OR7E24: variants seen among roughly 807,000 people sequenced by gnomAD.
OR7E24 encodes olfactory receptor family 7 subfamily E member 24.
For synonymous variants in OR7E24, 130 were observed against 157.5 expected (o/e 0.83, Z 1.31); for missense variants, 385 against 410.3 (o/e 0.94, Z 0.53).
chr19:9,251,531 T>C lies in OR7E24; in HGVS notation c.488T>C (p.Ile163Thr). 6.2e-7 allele frequency: 1 copy of C among 1,614,164 alleles called. No homozygotes were observed. The highest frequency in any genetic ancestry group is 1.3e-5 in the African/African-American group (1 of 75,048). ...IMNPRLCGFL[I>T]LLSFFISLLD... is the part of the protein sequence containing the mutation. ...AACCCACGCCTCTGTGGCTTCTTAA[T>C]CTTGTTGTCTTTTTTTATTAGTCTT... Residue 163 changes from isoleucine (I) to threonine (T), a missense_variant, in exon 1 of 1, where the codon ATC (isoleucine) becomes ACC (threonine). By Grantham distance (89) the Ile-to-Thr change is moderately conservative (BLOSUM62 -1). Coordinates refer to ENST00000456448, the MANE Select transcript of OR7E24 (RefSeq NM_001079935.2).
At chr19:9,215,361 A>AAAAC in the OR7E24 span, among the ~76,000 whole-genome samples, 1 of 147,542 alleles carries the variant, frequency 6.8e-6, no homozygotes. Flanking sequence ...AAAAAAAAAA[A>AAAAC]AAAACCTCTT....
the OR7E24 span, among the ~76,000 whole-genome samples, chr19:9,229,544 AAG>A: frequency 1.6e-4 from 24 of 147,176 alleles, no homozygotes; most frequent in Admixed American, 2.7e-4. Context: ...CAAAAAAAAA[AAG>A]AAAGAAAGAA....
At chr19:9,214,762 C>T in the OR7E24 span, 120 of 1,613,762 alleles carry the variant, frequency 7.4e-5, 2 homozygotes, top group East Asian at 8.7e-4. Context: ...CCAAAGAGGA[C>T]GGGCTGCAGT....
the OR7E24 span, among the ~76,000 whole-genome samples, chr19:9,222,957 A>T: frequency 6.6e-6 from 1 of 152,118 alleles, no homozygotes; most frequent in Non-Finnish European, 1.5e-5. Flanking sequence ...GGTTTTTACT[A>T]TGTTGAGGTA....
In OR7E24 at chr19:9,252,070, C is replaced by A. The variant is rs1455275566; in HGVS notation, c.*7C>A. ...TTTTTGTTATATGGGATAGAAATGG[C>A]AGCAAAATTTAACACCTAGGCCTGC... On this transcript the variant is annotated 3_prime_UTR_variant, in exon 1 of 1. Coordinates refer to ENST00000456448, the MANE Select transcript of OR7E24 (RefSeq NM_001079935.2). The A allele has an allele frequency of 6.8e-6, 11 of 1,607,640 alleles. No homozygotes were observed.
At chr19:9,215,287 G>T in the OR7E24 span, among the ~76,000 whole-genome samples, 22,473 of 142,700 alleles carry the variant, frequency 0.16, 1,954 homozygotes, top group East Asian at 0.25. Context: ...AGGTTGCAGT[G>T]AGCCAAGATC....
the OR7E24 span, among the ~76,000 whole-genome samples, chr19:9,239,735 G>T: frequency 7.7e-6 from 1 of 129,258 alleles, no homozygotes; most frequent in South Asian, 2.5e-4. Context: ...TTGAGTTGGA[G>T]TCTCGCTCTG....
chr19:9,214,884 G>T, the OR7E24 span: 3 of 1,161,174 alleles, frequency 2.6e-6, no homozygotes, highest in Non-Finnish European at 3.7e-6. Flanking sequence ...AACGTTTAAT[G>T]AACAGCAAGT....
the OR7E24 span, among the ~76,000 whole-genome samples, chr19:9,223,734 CTT>C: frequency 0.029 from 3,873 of 135,532 alleles, 135 homozygotes; most frequent in African/African-American, 0.081. Context: ...TTTTTCTCTT[CTT>C]TTTTTTTTTT....
At chr19:9,244,856 A>C (rs182256297), upstream of OR7E24, among the ~76,000 whole-genome samples, 59 of 152,276 alleles carry the variant, frequency 3.9e-4, no homozygotes, top group Admixed American at 2.3e-3. Context: ...GAGGCTAACA[A>C]CCAAACAATA....
At chr19:9,244,302 A>C (rs970737367), upstream of OR7E24, among the ~76,000 whole-genome samples, 5 of 152,244 alleles carry the variant, frequency 3.3e-5, no homozygotes, top group Admixed American at 2.0e-4. Flanking sequence ...AATAAACTAC[A>C]AAGATCCAGG....
the OR7E24 span, among the ~76,000 whole-genome samples, chr19:9,242,327 G>A: frequency 6.6e-6 from 1 of 152,094 alleles, no homozygotes. Flanking sequence ...TCAGCCCACG[G>A]CAACCACCTC....
the OR7E24 span, chr19:9,212,418 G>A: frequency 6.6e-6 from 1 of 152,098 alleles, no homozygotes; most frequent in Non-Finnish European, 1.5e-5. Context: ...TGCAAATTAG[G>A]ATTAGTATGC....
At chr19:9,207,923 G>T in the OR7E24 span, 1 of 152,092 alleles carries the variant, frequency 6.6e-6, no homozygotes, top group Admixed American at 6.6e-5. Flanking sequence ...TACTGTCTCT[G>T]TTACCACATT....
At position 9,251,357 on chromosome 19, in the gene OR7E24, C is replaced by A. The variant is rs553397542; in HGVS notation, c.314C>A (p.Thr105Asn). ...TVPKMIVDMQ[T>N]HSRVISYEGC... Reference sequence around the variant, plus strand: ...CCCAAGATGATTGTGGACATGCAAACTCACAGCAGAGTCATCTCCTATGAA... The same window carrying A: ...CCCAAGATGATTGTGGACATGCAAAATCACAGCAGAGTCATCTCCTATGAA... Residue 105 changes from threonine (T) to asparagine (N), a missense_variant, in exon 1 of 1, where the codon ACT becomes AAT. Thr to Asn is a moderately conservative substitution (Grantham distance 65). Transcript: ENST00000456448. 6.2e-7 allele frequency: 1 copy of A among 1,614,048 alleles called. No individual in the cohort carries two copies. Among genetic ancestry groups the A allele is most frequent in the South Asian group, 1.1e-5 (1 of 91,082 alleles).
chr19:9,240,147 C>T, the OR7E24 span, among the ~76,000 whole-genome samples: 3 of 152,238 alleles, frequency 2.0e-5, no homozygotes, highest in South Asian at 2.1e-4. Flanking sequence ...GCTGGGTTTA[C>T]AGGCCTGAGC....
the OR7E24 span, among the ~76,000 whole-genome samples, chr19:9,226,515 C>G: frequency 6.6e-6 from 1 of 152,168 alleles, no homozygotes; most frequent in East Asian, 1.9e-4. Context: ...GGTAAAAACA[C>G]CTTCAAATAA....
Position 9,252,105 on chromosome 19 carries a change from C to T in OR7E24, c.*42C>T, listed in dbSNP as rs535452627. On this transcript the variant is annotated 3_prime_UTR_variant, in exon 1 of 1. Coordinates refer to ENST00000456448, the MANE Select transcript of OR7E24 (RefSeq NM_001079935.2). Reference sequence around the variant, plus strand: ...TAACACCTAGGCCTGCAAATTCTGCCTCCTTGGTCACATTATTTTGGTTGC... The same window carrying T: ...TAACACCTAGGCCTGCAAATTCTGCTTCCTTGGTCACATTATTTTGGTTGC... The T allele has an allele frequency of 3.1e-5, 48 of 1,543,386 alleles. 1 individual carries two copies. In the South Asian group the frequency reaches 4.4e-4, roughly 14 times the overall value.
upstream of OR7E24, among the ~76,000 whole-genome samples, chr19:9,243,249 G>C (rs2066120842): frequency 6.6e-6 from 1 of 151,902 alleles, no homozygotes; most frequent in Non-Finnish European, 1.5e-5. Flanking sequence ...ACACCATCCT[G>C]TCTGCCAATG....
Sources: allele counts gnomAD v4.1 joint callset (sites outside exome capture counted in the v4.1 genomes callset), GRCh38; gene constraint gnomAD v4.1.1; transcripts MANE v1.5; gene names NCBI Gene and HGNC (gene_info 2026-07-23, HGNC 2026-07-21).